The following JAZF1 variants were observed in gnomAD, a reference collection of about 807,000 sequenced individuals.
JAZF1 encodes juxtaposed with another zinc finger protein 1.
In JAZF1, 8 loss-of-function variants were observed where a neutral mutation model predicts 26.4. That is an observed-to-expected ratio of 0.30 (90% CI 0.18 to 0.55). JAZF1 has a LOEUF of 0.55. JAZF1 is among the 20% of genes least tolerant of loss of function. The pLI, the probability that JAZF1 is intolerant of heterozygous loss-of-function variation, is 0.94. For missense variants in JAZF1, 199 were observed against 322.0 expected (o/e 0.62, Z 2.92); for synonymous variants, 126 against 122.3 (o/e 1.03, Z -0.20).
intron 1 of JAZF1, among the ~76,000 whole-genome samples, chr7:28,098,863 G>C (rs1462373417): frequency 6.6e-6 from 1 of 152,216 alleles, no homozygotes; most frequent in Non-Finnish European, 1.5e-5. Context: ...CCATCCTCCA[G>C]TGCAACAAGA....
intron 3 of JAZF1, among the ~76,000 whole-genome samples, chr7:27,857,299 C>A (rs551981362): frequency 1.3e-5 from 2 of 152,320 alleles, no homozygotes; most frequent in African/African-American, 4.8e-5. Context: ...TGGCTGGCCG[C>A]TCCGAGTGCG....
chr7:27,876,342 CT>C (rs1390866680), intron 3 of JAZF1, among the ~76,000 whole-genome samples: 1 of 152,186 alleles, frequency 6.6e-6, no homozygotes, highest in Non-Finnish European at 1.5e-5. Context: ...GTCAACTCTA[CT>C]GGACTCTAGA....
intron 1 of JAZF1, among the ~76,000 whole-genome samples, chr7:28,113,521 C>T (rs1055094906): frequency 6.6e-6 from 1 of 152,166 alleles, no homozygotes; most frequent in East Asian, 1.9e-4. Context: ...CAGATACCTG[C>T]AGAAGAAAAT....
In JAZF1 at chr7:27,961,693, G is replaced by A. The variant is rs1785186996; in HGVS notation, c.188+30216C>T. Among the ~76,000 whole-genome samples, 7 of 152,320 alleles carry A rather than the reference G, an allele frequency of 4.6e-5. No individual in the cohort carries two copies. In the South Asian group the frequency reaches 1.5e-3, roughly 32 times the overall value. On this transcript the variant is annotated intron_variant, in intron 2 of 4. Coordinates refer to ENST00000283928, the MANE Select transcript of JAZF1 (RefSeq NM_175061.4). ...CTTTTTGGATAAAGAATAGAATGCC[G>A]ACTTTGATGCTAGCTGGACTTGTCC... is the stretch of plus-strand genomic sequence containing the variant.
intron 1 of JAZF1, among the ~76,000 whole-genome samples, chr7:28,034,712 C>T (rs1783254890): frequency 1.3e-5 from 2 of 152,102 alleles, no homozygotes; most frequent in Non-Finnish European, 2.9e-5. Flanking sequence ...GGAATCTGAA[C>T]ACAAGTCTTT....
chr7:27,868,723 C>T (rs528023863), intron 3 of JAZF1, among the ~76,000 whole-genome samples: 1 of 152,364 alleles, frequency 6.6e-6, no homozygotes, highest in East Asian at 1.9e-4. Context: ...CCAAGTCAAA[C>T]TGCCAACATT....
At chr7:28,114,845 G>A (rs544694464) in intron 1 of JAZF1, among the ~76,000 whole-genome samples, 2 of 151,928 alleles carry the variant, frequency 1.3e-5, no homozygotes, top group African/African-American at 4.8e-5. Context: ...CGTGAACGGG[G>A]CTTATAGATG....
intron 1 of JAZF1, among the ~76,000 whole-genome samples, chr7:28,030,096 A>G (rs928047230): frequency 9.2e-5 from 14 of 152,240 alleles, no homozygotes; most frequent in Non-Finnish European, 1.9e-4. Context: ...GCCCCTCTAG[A>G]TGCAGACCTG....
chr7:28,149,826 T>C (rs533858204), intron 1 of JAZF1, among the ~76,000 whole-genome samples: 2 of 152,348 alleles, frequency 1.3e-5, no homozygotes, highest in South Asian at 4.1e-4. Flanking sequence ...CTTCCCATTG[T>C]CTTCCCTACG....
At chr7:27,885,915 T>G (rs551037883) in intron 3 of JAZF1, among the ~76,000 whole-genome samples, 37 of 152,316 alleles carry the variant, frequency 2.4e-4, no homozygotes, top group Non-Finnish European at 4.4e-4. Context: ...CCAAAAAGGC[T>G]GGATTCAGCT....
intron 3 of JAZF1, chr7:27,841,592 G>C (rs535429910): frequency 2.6e-5 from 4 of 152,322 alleles, no homozygotes; most frequent in Non-Finnish European, 5.9e-5. Context: ...CTTCCTGCTA[G>C]GGCTGACCCA....
intron 1 of JAZF1, among the ~76,000 whole-genome samples, chr7:28,173,518 C>G (rs1783505249): frequency 6.6e-6 from 1 of 151,950 alleles, no homozygotes; most frequent in Non-Finnish European, 1.5e-5. Context: ...GCCTTTGTGC[C>G]TAAAATATAT....
chr7:27,884,051 T>C (rs1160233366), intron 3 of JAZF1, among the ~76,000 whole-genome samples: 1 of 152,256 alleles, frequency 6.6e-6, no homozygotes, highest in East Asian at 1.9e-4. Context: ...AAAGAGTGAC[T>C]GGAAGTTGTG....
chr7:28,023,003 T>C (rs1352129917), intron 1 of JAZF1, among the ~76,000 whole-genome samples: 1 of 152,210 alleles, frequency 6.6e-6, no homozygotes, highest in Non-Finnish European at 1.5e-5. Flanking sequence ...GTCTTTATTC[T>C]CTAGAGGTCG....
chr7:28,135,544 T>C (rs1253820372), intron 1 of JAZF1, among the ~76,000 whole-genome samples: 1 of 152,216 alleles, frequency 6.6e-6, no homozygotes, highest in African/African-American at 2.4e-5. Flanking sequence ...CTTAGGACTT[T>C]CTGCCAAAAT....
chr7:28,004,494 C>T (rs1782666246), intron 1 of JAZF1, among the ~76,000 whole-genome samples: 1 of 152,014 alleles, frequency 6.6e-6, no homozygotes, highest in Admixed American at 6.6e-5. Context: ...TCTGAGAAGG[C>T]TCAGAAACTG....
In JAZF1 at chr7:28,097,753, G is replaced by A. The variant is rs1784407721; in HGVS notation, c.115+82710C>T. On this transcript the variant is annotated intron_variant, in intron 1 of 4. Coordinates refer to ENST00000283928, the MANE Select transcript of JAZF1 (RefSeq NM_175061.4). ...CGGGGAGCTAAAAAGAAAGGTGGCA[G>A]CCACAGGCCTGCTAGAGTCTGGGAG... is the stretch of plus-strand genomic sequence containing the variant. Among the ~76,000 whole-genome samples the A allele has an allele frequency of 2.0e-5, 3 of 152,150 alleles. No homozygotes were observed. The South Asian group carries it at 6.2e-4, about 32-fold the overall frequency.
At chr7:28,089,944 G>A (rs1183981936) in intron 1 of JAZF1, among the ~76,000 whole-genome samples, 1 of 152,118 alleles carries the variant, frequency 6.6e-6, no homozygotes, top group Admixed American at 6.6e-5. Context: ...TGAGATGTGA[G>A]GGAAACAAGA....
chr7:27,973,933 G>C (rs1483882455), intron 2 of JAZF1, among the ~76,000 whole-genome samples: 4 of 152,162 alleles, frequency 2.6e-5, no homozygotes, highest in Non-Finnish European at 5.9e-5. Flanking sequence ...CTTCAAGTAA[G>C]GACAAGAGCA....
Sources: allele counts gnomAD v4.1 joint callset (sites outside exome capture counted in the v4.1 genomes callset), GRCh38; gene constraint gnomAD v4.1.1; transcripts MANE v1.5; gene names NCBI Gene and HGNC (gene_info 2026-07-23, HGNC 2026-07-21).